The following INPP5J variants were observed in gnomAD, a reference collection of about 807,000 sequenced individuals.
INPP5J encodes phosphatidylinositol 4,5-bisphosphate 5-phosphatase A.
Under a neutral mutation model 86.6 loss-of-function variants are expected in INPP5J, and 75 were observed. The observed-to-expected ratio is 0.87, with a 90% CI of 0.72 to 1.05. The LOEUF is 1.05. Among genes scored for constraint, INPP5J ranks in the 50% least tolerant of loss-of-function variants. The pLI is 0.00. For missense variants in INPP5J, 1,229 were observed against 1,341.2 expected (o/e 0.92, Z 1.31); for synonymous variants, 540 against 550.0 (o/e 0.98, Z 0.25).
rs767028559 is a variant in INPP5J, at chr22:31,128,078, C to G, written c.1899+16C>G. The G allele has an allele frequency of 1.9e-6, 3 of 1,577,876 alleles. No individual in the cohort carries two copies. Among genetic ancestry groups the G allele is most frequent in the Non-Finnish European group, 2.6e-6 (3 of 1,147,510 alleles). On this transcript the variant is annotated intron_variant, in intron 7 of 12. Coordinates refer to ENST00000331075, the MANE Select transcript of INPP5J (RefSeq NM_001284285.2). ...GAAGGACCAGGTGGGGTCCTTGTCC[C>G]CAGAAGCACACAGAGCATGTCCCAG... is the stretch of plus-strand genomic sequence containing the variant.
rs376769028 is a variant in INPP5J at position 31,133,459 on chromosome 22, A to T, written c.2385A>T (p.Glu795Asp). The T allele has an allele frequency of 2.3e-5, 37 of 1,613,750 alleles. No homozygotes were observed. Among genetic ancestry groups the T allele is most frequent in the Non-Finnish European group, 2.6e-5 (31 of 1,179,846 alleles). Residue 795 changes from glutamate (E) to aspartate (D), a missense_variant, in exon 11 of 13, where the codon GAA (glutamate) becomes GAT (aspartate). Transcript: ENST00000331075. ...DYVAYVWAKHEDVDGNTYQVT... is the reference protein window; with the variant it reads ...DYVAYVWAKHDDVDGNTYQVT... Reference sequence around the variant, plus strand: ...TGGCTTATGTCTGGGCCAAACATGAAGATGTGGATGGGAATACCTACCAGG... The same window carrying T: ...TGGCTTATGTCTGGGCCAAACATGATGATGTGGATGGGAATACCTACCAGG...
chr22:31,133,050 A>G, intron 9 of INPP5J, 48 bp from the exon 10 acceptor site: 1 of 1,550,220 alleles, frequency 6.5e-7, no homozygotes. Flanking sequence ...GTGGGATACT[A>G]GAGGGTCTCC....
At position 31,133,557 on chromosome 22, in the gene INPP5J, C is replaced by T. The variant is rs568002644; in HGVS notation, c.2410-53C>T. The T allele has an allele frequency of 3.8e-6, 6 of 1,589,124 alleles. No individual in the cohort carries two copies. The Admixed American group carries it at 1.0e-4, about 27-fold the overall frequency. On this transcript the variant is annotated intron_variant, in intron 11 of 12. Transcript: ENST00000331075. ...GACCTCAGAACTCACCTTGGGGGCT[C>T]TCAGGTGGCCTCCCTGACCCCCAAC...
intron 1 of INPP5J, chr22:31,124,041 T>C (rs999877324): frequency 6.5e-6 from 1 of 152,992 alleles, no homozygotes; most frequent in Non-Finnish European, 1.5e-5. Context: ...TAGATGGAAT[T>C]CTAGCAAATG....
chr22:31,123,127 C>A lies in INPP5J; in HGVS notation c.105+8C>A. On this transcript the variant is annotated splice_region_variant and intron_variant, in intron 1 of 12. Transcript: ENST00000331075. The stretch of plus-strand genomic sequence containing the variant: ...ACTGGGGCACCCTCCAAGGTAAGAC[C>A]CCTGAGACCCAGTGCCCCCCGCTTT... The A allele has an allele frequency of 2.0e-6, 3 of 1,464,056 alleles. No individual in the cohort carries two copies. The highest frequency in any genetic ancestry group is 2.7e-5 in the South Asian group (2 of 73,138). The allele number at this position is 1,464,056 out of a possible 1,614,324, so 90.7% of individuals were successfully genotyped here. A position where few individuals can be genotyped will look rare whatever the true frequency, so the allele number is the denominator to read the frequency against.
chr22:31,126,865 G>T (rs1017244399), intron 4 of INPP5J, 56 bp from the exon 5 acceptor site: 11 of 1,464,698 alleles, frequency 7.5e-6, no homozygotes, highest in Non-Finnish European at 9.5e-6. Flanking sequence ...CTGAAGGTGG[G>T]CGCGAGGGCG....
At chr22:31,123,597 G>C (rs1476314030) in intron 1 of INPP5J, among the ~76,000 whole-genome samples, 2 of 152,180 alleles carry the variant, frequency 1.3e-5, no homozygotes, top group African/African-American at 4.8e-5. Flanking sequence ...GTTTGAGAAG[G>C]GAGGTGGAGA....
intron 5 of INPP5J, 130 bp from the exon 6 acceptor site, chr22:31,127,227 C>A: frequency 1.1e-6 from 1 of 901,300 alleles, no homozygotes; most frequent in Non-Finnish European, 1.7e-6. Context: ...CCCACTGTGT[C>A]CCAGCGTTGT....
Position 31,125,127 on chromosome 22 carries a change from G to A in INPP5J, c.388G>A (p.Gly130Ser). 1 of 1,550,174 alleles carries A rather than the reference G, an allele frequency of 6.5e-7. No individual in the cohort carries two copies. The highest frequency in any genetic ancestry group is 1.2e-5 in the South Asian group (1 of 84,058). The part of the protein sequence containing the change: ...AGPKPPPATT[G>S]SVLAPTSLGL... ...ACCAAAGCCTCCCCCAGCGACCACA[G>A]GCTCAGTTCTGGCTCCGACGTCCCT... is the stretch of plus-strand genomic sequence containing the variant. Residue 130 changes from glycine to serine, a missense_variant, in exon 2 of 13, where the codon GGC (glycine) becomes AGC (serine). Coordinates refer to ENST00000331075, the MANE Select transcript of INPP5J (RefSeq NM_001284285.2).
In INPP5J at chr22:31,127,396, G is replaced by C. The variant is rs531927158; in HGVS notation, c.1651G>C (p.Gly551Arg). ...CGTGAGCGTGCGCCTGGCGGCCTTCGGGCACATGCTCTGCTTCCTGAACTG... is the reference window on the plus strand; with the variant it reads ...CGTGAGCGTGCGCCTGGCGGCCTTCCGGCACATGCTCTGCTTCCTGAACTG... ...GGVSVRLAAF[G>R]HMLCFLNCHL... Residue 551 changes from glycine (G) to arginine (R), a missense_variant, in exon 6 of 13, where the codon GGG becomes CGG. Coordinates refer to ENST00000331075, the MANE Select transcript of INPP5J (RefSeq NM_001284285.2). 1 of 1,613,444 alleles carries C rather than the reference G, an allele frequency of 6.2e-7. No individual in the cohort carries two copies. Among genetic ancestry groups the C allele is most frequent in the South Asian group, 1.1e-5 (1 of 90,990 alleles).
chr22:31,133,873 T>A (rs771628185), intron 12 of INPP5J, 40 bp from the exon 13 acceptor site: 1 of 1,597,474 alleles, frequency 6.3e-7, no homozygotes, highest in African/African-American at 1.3e-5. Context: ...AGTGGCTGGG[T>A]TGGGGAGCAG....
At chr22:31,129,578 C>T (rs1921878372) in intron 9 of INPP5J, among the ~76,000 whole-genome samples, 1 of 117,226 alleles carries the variant, frequency 8.5e-6, no homozygotes, top group East Asian at 2.9e-4. Context: ...CAGTCTCACT[C>T]TGTTGCCCAG....
intron 1 of INPP5J, among the ~76,000 whole-genome samples, chr22:31,124,575 T>G (rs564547022): frequency 1.3e-5 from 2 of 152,268 alleles, no homozygotes; most frequent in South Asian, 2.1e-4. Context: ...AGGTTTAGGT[T>G]CACACTCTGC....
Position 31,132,467 on chromosome 22 carries a change from C to T in INPP5J, c.2194-631C>T, listed in dbSNP as rs556181359. ...AAGAGTCTCTGAGTTTGGCCGGGCA[C>T]GGTGGCTCATGCCTATAATCCCAGC... On this transcript the variant is annotated intron_variant, in intron 9 of 12. Coordinates refer to ENST00000331075, the MANE Select transcript of INPP5J (RefSeq NM_001284285.2). 1.9e-4 allele frequency among the ~76,000 whole-genome samples: 29 copies of T among 152,202 alleles called. No individual in the cohort carries two copies. The South Asian group carries it at 3.1e-3, about 16-fold the overall frequency.
chr22:31,127,464 C>T lies in INPP5J; in HGVS notation c.1719C>T (p.Asp573=). ...AHMDKAEQRK[D]NFQTILSLQQ... ...TGGACAAGGCGGAGCAGCGCAAAGA[C>T]AACTTCCAGACCATCCTCAGCCTCC... The change falls in exon 6 of 13, where the codon GAC becomes GAT. Residue 573 remains aspartate (D), a synonymous_variant. Coordinates refer to ENST00000331075, the MANE Select transcript of INPP5J (RefSeq NM_001284285.2). 6.2e-7 allele frequency: 1 copy of T among 1,613,892 alleles called. No individual in the cohort carries two copies. Among genetic ancestry groups the T allele is most frequent in the Non-Finnish European group, 8.5e-7 (1 of 1,179,866 alleles).
intron 9 of INPP5J, among the ~76,000 whole-genome samples, chr22:31,129,232 C>CTTTTTTTTT (rs576089657): frequency 1.0e-4 from 8 of 79,124 alleles, no homozygotes; most frequent in East Asian, 5.0e-4. Flanking sequence ...GTCTGGCCAA[C>CTTTTTTTTT]TTTTTTTTTT....
intron 5 of INPP5J, 26 bp from the exon 6 acceptor site, chr22:31,127,331 T>C (rs1921589567): frequency 6.3e-7 from 1 of 1,584,870 alleles, no homozygotes; most frequent in Non-Finnish European, 8.6e-7. Flanking sequence ...GCCCCGCCCA[T>C]GAGCCATCCG....
At chr22:31,123,713 T>C (rs917031156) in intron 1 of INPP5J, among the ~76,000 whole-genome samples, 1 of 152,180 alleles carries the variant, frequency 6.6e-6, no homozygotes, top group Non-Finnish European at 1.5e-5. Context: ...AGGGCCATCC[T>C]GGGGCAAGTA....
chr22:31,126,833 A>G lies in INPP5J; in HGVS notation c.1495-88A>G, dbSNP rs1322142453. ...GGGCCTCTGTGGCTGGGTCCGTGACATGGGTGGGTGGAGGAGCAGACCTGA... is the reference window on the plus strand; with the variant it reads ...GGGCCTCTGTGGCTGGGTCCGTGACGTGGGTGGGTGGAGGAGCAGACCTGA... On this transcript the variant is annotated intron_variant, in intron 4 of 12. Transcript: ENST00000331075. 3.5e-6 allele frequency: 5 copies of G among 1,410,190 alleles called. No individual in the cohort carries two copies. The South Asian group carries it at 4.6e-5, about 13-fold the overall frequency. The allele number at this position is 1,410,190 out of a possible 1,614,324, so 87.4% of individuals were successfully genotyped here. A position where few individuals can be genotyped will look rare whatever the true frequency, so the allele number is the denominator to read the frequency against.
Sources: allele counts gnomAD v4.1 joint callset (sites outside exome capture counted in the v4.1 genomes callset), GRCh38; gene constraint gnomAD v4.1.1; transcripts MANE v1.5; gene names NCBI Gene and HGNC (gene_info 2026-07-23, HGNC 2026-07-21).